The following POTEM variants were observed in gnomAD, a reference collection of about 807,000 sequenced individuals.
POTEM encodes putative POTE ankyrin domain family member M.
For synonymous variants in POTEM, 8 were observed against 113.2 expected (o/e 0.07, Z 5.90); for missense variants, 24 against 343.0 (o/e 0.07, Z 7.35).
At position 18,999,505 on chromosome 14, in the gene POTEM, C is replaced by A. The variant is rs1287996547; in HGVS notation, c.*840C>A. 2.8e-5 allele frequency among the ~76,000 whole-genome samples: 3 copies of A among 106,506 alleles called. No individual in the cohort carries two copies. Among genetic ancestry groups the A allele is most frequent in the African/African-American group, 9.6e-5 (3 of 31,258 alleles). 69.9% of individuals were successfully genotyped at this position (106,506 alleles called of 152,430 possible). ...GAGCAGGAAATCGTGCGTGACATCACAGAGAAGCTGTGCTATGTTGCCCTG... is the reference window on the plus strand; with the variant it reads ...GAGCAGGAAATCGTGCGTGACATCAAAGAGAAGCTGTGCTATGTTGCCCTG... On this transcript the variant is annotated 3_prime_UTR_variant, in exon 11 of 11. Coordinates refer to ENST00000547889, the MANE Select transcript of POTEM (RefSeq NM_001145442.1).
At position 19,002,751 on chromosome 14, in the gene POTEM, C is replaced by T. The variant is rs1277007212; in HGVS notation, c.*4086C>T. On this transcript the variant is annotated 3_prime_UTR_variant, in exon 11 of 11. Coordinates refer to ENST00000547889, the MANE Select transcript of POTEM (RefSeq NM_001145442.1). ...GCTGCAGCAAGGTGGCCCCTACGGC[C>T]ACGCACCAGCCTGCACATTACCTCT... 2.3e-3 allele frequency among the ~76,000 whole-genome samples: 346 copies of T among 149,952 alleles called. No individual in the cohort carries two copies. The highest frequency in any genetic ancestry group is 8.4e-3 in the African/African-American group (332 of 39,322).
At position 19,003,622 on chromosome 14, in the gene POTEM, A is replaced by G. The variant is rs1360629068; in HGVS notation, c.*4957A>G. Among the ~76,000 whole-genome samples, 5 of 126,744 alleles carry G rather than the reference A, an allele frequency of 3.9e-5. No individual in the cohort carries two copies. In the Admixed American group the frequency reaches 4.2e-4, roughly 11 times the overall value. The allele number at this position is 126,744 out of a possible 152,430, so 83.1% of individuals were successfully genotyped here. On this transcript the variant is annotated 3_prime_UTR_variant, in exon 11 of 11. Transcript: ENST00000547889. ...TCTCCCAAAATTTGGTTGAGATGTA[A>G]GGTTGATTTTGCTGTACAACTCCTT...
At chr14:18,969,446 G>T (rs1278231716) in intron 1 of POTEM, among the ~76,000 whole-genome samples, 2 of 109,590 alleles carry the variant, frequency 1.8e-5, no homozygotes, top group African/African-American at 8.4e-5. Context: ...GCAGTGGTGC[G>T]ATCTCGGCTC....
chr14:18,986,588 C>T (rs1891188079), intron 7 of POTEM, among the ~76,000 whole-genome samples: 1 of 142,304 alleles, frequency 7.0e-6, no homozygotes, highest in Non-Finnish European at 1.5e-5. Flanking sequence ...AGCAGATAAT[C>T]TAGATACATA....
Position 19,002,748 on chromosome 14 carries a change from G to A in POTEM, c.*4083G>A, listed in dbSNP as rs1463742046. Among the ~76,000 whole-genome samples, 2 of 152,252 alleles carry A rather than the reference G, an allele frequency of 1.3e-5. No homozygotes were observed. The highest frequency in any genetic ancestry group is 2.4e-5 in the African/African-American group (1 of 41,472). ...AGAGCTGCAGCAAGGTGGCCCCTAC[G>A]GCCACGCACCAGCCTGCACATTACC... On this transcript the variant is annotated 3_prime_UTR_variant, in exon 11 of 11. Transcript: ENST00000547889.
At chr14:18,996,516 G>A (rs1318257655) in intron 9 of POTEM, among the ~76,000 whole-genome samples, 106 of 125,264 alleles carry the variant, frequency 8.5e-4, no homozygotes, top group African/African-American at 3.2e-3. Context: ...ATTACCACCC[G>A]AGCTGCTCCT....
intron 8 of POTEM, 137 bp from the exon 9 acceptor site, chr14:18,988,118 T>C (rs1891223911): frequency 4.7e-6 from 1 of 214,180 alleles, no homozygotes; most frequent in African/African-American, 2.5e-5. Context: ...TAGTTCTGTG[T>C]ATATGATCCA....
intron 1 of POTEM, among the ~76,000 whole-genome samples, chr14:18,969,376 T>TAC (rs1890857135): frequency 5.4e-5 from 7 of 128,900 alleles, no homozygotes; most frequent in Non-Finnish European, 1.6e-5. Context: ...TATATATATA[T>TAC]ATACACAAAA....
chr14:18,969,355 GTGTATA>G (rs1566537788), intron 1 of POTEM, among the ~76,000 whole-genome samples: 1 of 86,694 alleles, frequency 1.2e-5, no homozygotes, highest in Non-Finnish European at 2.1e-5. Flanking sequence ...ATATATACAT[GTGTATA>G]TATATATATA....
intron 1 of POTEM, among the ~76,000 whole-genome samples, chr14:18,969,390 C>CT (rs1211956667): frequency 0.03 from 3,198 of 105,530 alleles, 7 homozygotes; most frequent in African/African-American, 0.083. Flanking sequence ...CACAAAATTT[C>CT]TTTTTTTTTT....
At chr14:18,969,379 A>ATATATG (rs2138948411) in intron 1 of POTEM, among the ~76,000 whole-genome samples, 1 of 73,072 alleles carries the variant, frequency 1.4e-5, no homozygotes, top group African/African-American at 4.0e-5. Flanking sequence ...ATATATATAT[A>ATATATG]CACAAAATTT....
intron 1 of POTEM, among the ~76,000 whole-genome samples, chr14:18,969,338 TATAC>T: frequency 8.8e-6 from 1 of 113,712 alleles, no homozygotes; most frequent in Non-Finnish European, 1.7e-5. Context: ...TATATACGTA[TATAC>T]ATATATATAC....
chr14:18,969,198 G>C (rs1271123121), intron 1 of POTEM, among the ~76,000 whole-genome samples: 3 of 131,946 alleles, frequency 2.3e-5, no homozygotes, highest in Admixed American at 7.5e-5. Flanking sequence ...AAAAATCAGA[G>C]TATAGATTAA....
At chr14:18,968,777 C>T (rs1303996311) in intron 1 of POTEM, among the ~76,000 whole-genome samples, 3 of 152,286 alleles carry the variant, frequency 2.0e-5, no homozygotes, top group Admixed American at 2.0e-4. Context: ...GAGCCGAGAT[C>T]ACGCCACTGT....
chr14:18,968,454 A>C (rs1464944994), intron 1 of POTEM, among the ~76,000 whole-genome samples: 2 of 152,226 alleles, frequency 1.3e-5, no homozygotes, highest in African/African-American at 4.8e-5. Flanking sequence ...TTCTTTACTG[A>C]GTAATCTTAG....
At chr14:18,968,995 T>C (rs1890832810) in intron 1 of POTEM, among the ~76,000 whole-genome samples, 1 of 150,688 alleles carries the variant, frequency 6.6e-6, no homozygotes, top group African/African-American at 2.5e-5. Flanking sequence ...AAAATGTGCA[T>C]GTTATTTATT....
At chr14:18,974,976 C>T (rs1248735733) in intron 3 of POTEM, 1 of 385,578 alleles carries the variant, frequency 2.6e-6, no homozygotes, top group African/African-American at 2.2e-5. Context: ...TGGGCTCAAG[C>T]AATTCATCCC....
intron 1 of POTEM, among the ~76,000 whole-genome samples, chr14:18,968,678 C>G (rs1890822271): frequency 6.6e-6 from 1 of 151,786 alleles, no homozygotes. Context: ...AAAAAATTAG[C>G]TGGACGCGGT....
chr14:18,974,188 GTC>G lies in POTEM; in HGVS notation c.810+988_810+989del, dbSNP rs1344949286. Among the ~76,000 whole-genome samples the G allele has an allele frequency of 7.3e-3, 377 of 51,484 alleles. 69 individuals are homozygous for G. The highest frequency in any genetic ancestry group is 0.047 in the South Asian group (89 of 1,904). 33.8% of individuals were successfully genotyped at this position (51,484 alleles called of 152,430 possible). ...ATTATGTGGTGTTTTCAGCAAATGG[GTC>G]TCTCTCCTACTCTTTACTCTTTTTG... On this transcript the variant is annotated intron_variant, in intron 3 of 10. Transcript: ENST00000547889.
Sources: gnomAD v4.1 joint callset for allele counts (sites outside exome capture counted in the v4.1 genomes callset) on GRCh38, gnomAD v4.1.1 for gene constraint, MANE v1.5 for transcripts, NCBI Gene and HGNC (gene_info 2026-07-23, HGNC 2026-07-21) for gene names.